The following VPS13B variants were observed in gnomAD, a reference collection of about 807,000 sequenced individuals.
VPS13B encodes the protein vacuolar protein sorting 13 homolog B.
VPS13B carries 285 observed loss-of-function variants against 426.4 expected under a neutral mutation model. That is an observed-to-expected ratio of 0.67 (90% confidence interval 0.61 to 0.74). VPS13B has a LOEUF of 0.74. Ranked by LOEUF, VPS13B falls within the 30% of genes least tolerant of loss-of-function variation. The pLI, the probability that VPS13B is intolerant of heterozygous loss-of-function variation, is 0.00. For synonymous variants in VPS13B, 1,676 were observed against 1,676.4 expected (o/e 1.00, Z 0.01); for missense variants, 4,537 against 4,782.6 (o/e 0.95, Z 1.51).
chr8:99,259,504 A>T (rs1421230254), intron 17 of VPS13B, among the ~76,000 whole-genome samples: 1 of 152,072 alleles, frequency 6.6e-6, no homozygotes, highest in Non-Finnish European at 1.5e-5. Context: ...GTGATATTCC[A>T]CTTCAGTAAG....
At chr8:99,271,717 C>T (rs940106074) in intron 17 of VPS13B, among the ~76,000 whole-genome samples, 3 of 152,134 alleles carry the variant, frequency 2.0e-5, no homozygotes, top group African/African-American at 7.2e-5. Context: ...GTACCTTCTT[C>T]ACATGGTGGC....
intron 35 of VPS13B, among the ~76,000 whole-genome samples, chr8:99,690,033 T>A (rs570203087): frequency 3.3e-5 from 5 of 152,248 alleles, no homozygotes; most frequent in Non-Finnish European, 7.4e-5. Flanking sequence ...AATTGCACCT[T>A]TTTTTTATTG....
intron 2 of VPS13B, among the ~76,000 whole-genome samples, chr8:99,029,060 A>G (rs1481698472): frequency 1.4e-5 from 2 of 142,570 alleles, no homozygotes; most frequent in Non-Finnish European, 3.0e-5. Context: ...CACTTCTCAG[A>G]CGGGGCGGCC....
chr8:99,214,447 C>T (rs1326902428), intron 17 of VPS13B, among the ~76,000 whole-genome samples: 2 of 152,126 alleles, frequency 1.3e-5, no homozygotes, highest in Non-Finnish European at 1.5e-5. Flanking sequence ...ACATACTTAT[C>T]AGATTTTTCA....
At chr8:99,508,101 A>G (rs554621549) in intron 28 of VPS13B, among the ~76,000 whole-genome samples, 2 of 152,344 alleles carry the variant, frequency 1.3e-5, no homozygotes, top group East Asian at 1.9e-4. Flanking sequence ...GGTCACTTGC[A>G]TGAGTACAGA....
chr8:99,564,746 C>T (rs557293205), intron 31 of VPS13B, among the ~76,000 whole-genome samples: 1 of 152,160 alleles, frequency 6.6e-6, no homozygotes, highest in Non-Finnish European at 1.5e-5. Flanking sequence ...TGTTATAAAA[C>T]AAAAACTACA....
intron 25 of VPS13B, among the ~76,000 whole-genome samples, chr8:99,500,385 G>A (rs936819964): frequency 2.0e-5 from 3 of 152,028 alleles, no homozygotes; most frequent in African/African-American, 7.2e-5. Context: ...TTAAGCATTA[G>A]TTCAACTTGA....
At chr8:99,248,634 A>G (rs970536659) in intron 17 of VPS13B, among the ~76,000 whole-genome samples, 5 of 152,202 alleles carry the variant, frequency 3.3e-5, no homozygotes, top group African/African-American at 1.2e-4. Context: ...TACAGAGAAC[A>G]AGTAACCTGC....
intron 30 of VPS13B, among the ~76,000 whole-genome samples, chr8:99,545,399 G>A (rs1197100664): frequency 6.6e-6 from 1 of 152,082 alleles, no homozygotes; most frequent in East Asian, 1.9e-4. Flanking sequence ...ATTATCTACT[G>A]TAACTACTGT....
At chr8:99,829,095 G>A (rs534360671) in intron 51 of VPS13B, among the ~76,000 whole-genome samples, 2 of 152,230 alleles carry the variant, frequency 1.3e-5, no homozygotes, top group East Asian at 3.9e-4. Context: ...TGCTCTTCTT[G>A]AGGAGTATCT....
chr8:99,048,592 A>C (rs537971656), intron 3 of VPS13B, among the ~76,000 whole-genome samples: 1 of 152,182 alleles, frequency 6.6e-6, no homozygotes, highest in Non-Finnish European at 1.5e-5. Context: ...AGACGGGCGG[A>C]TTACCAGTGG....
intron 17 of VPS13B, among the ~76,000 whole-genome samples, chr8:99,198,206 C>T (rs540562128): frequency 6.6e-5 from 10 of 152,194 alleles, no homozygotes; most frequent in Non-Finnish European, 1.2e-4. Context: ...GTTAACTCTA[C>T]AGTAACATCT....
intron 17 of VPS13B, among the ~76,000 whole-genome samples, chr8:99,252,547 A>G (rs765230532): frequency 6.6e-6 from 1 of 152,064 alleles, no homozygotes; most frequent in Non-Finnish European, 1.5e-5. Flanking sequence ...GAAACAGCTT[A>G]TTAGTTGATG....
At chr8:99,610,138 G>A (rs1827778779) in intron 33 of VPS13B, among the ~76,000 whole-genome samples, 1 of 151,984 alleles carries the variant, frequency 6.6e-6, no homozygotes, top group Admixed American at 6.6e-5. Flanking sequence ...ATATATTTTT[G>A]TTATCTTGGA....
intron 24 of VPS13B, among the ~76,000 whole-genome samples, chr8:99,469,819 T>C (rs1819305070): frequency 6.6e-6 from 1 of 152,096 alleles, no homozygotes; most frequent in Non-Finnish European, 1.5e-5. Context: ...GGTATCCTTA[T>C]AAAATAGAAA....
At position 99,876,105 on chromosome 8, in the gene VPS13B, T is replaced by A. The variant is rs1434838527; in HGVS notation, c.*439T>A. 1 of 199,194 alleles carries A rather than the reference T, an allele frequency of 5.0e-6. No individual in the cohort carries two copies. The highest frequency in any genetic ancestry group is 1.0e-5 in the Non-Finnish European group (1 of 96,972). 12.3% of individuals were successfully genotyped at this position (199,194 alleles called of 1,614,324 possible). Reference sequence around the variant, plus strand: ...TAATTAATTTGGGTCTATTATTAACTCTCTGTTCCATCATAGAATGTGGCC... The same window carrying A: ...TAATTAATTTGGGTCTATTATTAACACTCTGTTCCATCATAGAATGTGGCC... On this transcript the variant is annotated 3_prime_UTR_variant, in exon 62 of 62. Transcript: ENST00000357162.
intron 43 of VPS13B, among the ~76,000 whole-genome samples, chr8:99,802,849 T>C (rs1813196019): frequency 6.6e-6 from 1 of 152,206 alleles, no homozygotes. Context: ...TCAGATCTTT[T>C]ATCTTTCCCT....
intron 43 of VPS13B, among the ~76,000 whole-genome samples, chr8:99,793,444 A>T (rs542477733): frequency 1.3e-5 from 2 of 152,084 alleles, no homozygotes; most frequent in South Asian, 4.2e-4. Flanking sequence ...ATTACTATGG[A>T]CTTCTCTTTA....
At chr8:99,033,677 C>T (rs1842618166) in intron 2 of VPS13B, among the ~76,000 whole-genome samples, 1 of 152,080 alleles carries the variant, frequency 6.6e-6, no homozygotes, top group Admixed American at 6.6e-5. Context: ...GGGTGGATCA[C>T]TTGAGGTCAG....
Sources: allele counts gnomAD v4.1 joint callset (sites outside exome capture counted in the v4.1 genomes callset), GRCh38; gene constraint gnomAD v4.1.1; transcripts MANE v1.5; gene names NCBI Gene and HGNC (gene_info 2026-07-23, HGNC 2026-07-21).